Variants in ILK observed in about 807,000 individuals in gnomAD.
The protein encoded by ILK is integrin linked kinase.
ILK carries 37 observed loss-of-function variants against 57.8 expected under a neutral mutation model. The ratio of observed to expected loss-of-function variants is 0.64; its 90% CI spans 0.49 to 0.84. The LOEUF is 0.84. Among genes scored for constraint, ILK ranks in the 40% least tolerant of loss-of-function variants. The pLI is 0.00. For missense variants in ILK, 528 were observed against 595.7 expected (o/e 0.89, Z 1.18); for synonymous variants, 231 against 202.2 (o/e 1.14, Z -1.21).
chr11:6,604,693 G>A (rs1854656184), intron 2 of ILK: 2 of 485,096 alleles, frequency 4.1e-6, no homozygotes, highest in Non-Finnish European at 7.6e-6. Context: ...CTGTGGGTCG[G>A]AGCATTGGGT....
chr11:6,606,816 C>T (rs934636653), intron 2 of ILK: 1 of 152,196 alleles, frequency 6.6e-6, no homozygotes, highest in Non-Finnish European at 1.5e-5. Context: ...CGAGTTTGGC[C>T]TGCCCTGGCG....
At chr11:6,604,064 G>C (rs910753356) in intron 1 of ILK, 116 bp from the exon 2 acceptor site, 24 of 623,398 alleles carry the variant, frequency 3.8e-5, no homozygotes, top group Non-Finnish European at 6.9e-5. Context: ...TTTACCTCGC[G>C]TCTAGAGGAC....
chr11:6,609,892 CCTAT>C, intron 10 of ILK, 40 bp from the exon 11 acceptor site: 1 of 1,614,190 alleles, frequency 6.2e-7, no homozygotes. Context: ...AAGCCCTTTG[CCTAT>C]CTATGACTTA....
intron 2 of ILK, chr11:6,607,028 C>T (rs1250045575): frequency 6.6e-6 from 1 of 152,352 alleles, no homozygotes; most frequent in Non-Finnish European, 1.5e-5. Context: ...CCAACCCCTT[C>T]AGCTGTACGG....
At chr11:6,610,329 G>A (rs190220176) in intron 12 of ILK, 51 bp downstream of exon 12, 5 of 1,613,808 alleles carry the variant, frequency 3.1e-6, no homozygotes, top group East Asian at 2.2e-5. Context: ...TGGTGATGGT[G>A]AAAATAACTG....
chr11:6,607,896 G>T, intron 2 of ILK, 150 bp from the exon 3 acceptor site: 1 of 761,830 alleles, frequency 1.3e-6, no homozygotes, highest in East Asian at 2.7e-5. Flanking sequence ...GGTCTGAAAT[G>T]GACAGCTTTG....
rs780614731 is a variant in ILK, at chr11:6,608,384, T to G, written c.256-10T>G. 1.2e-6 allele frequency: 2 copies of G among 1,612,644 alleles called. No homozygotes were observed. Among genetic ancestry groups the G allele is most frequent in the South Asian group, 2.2e-5 (2 of 91,054 alleles). ...TCTGCCTCTTCTTTTTGTCTGGCCATGGGGTCCAGCTATTGCAGTACAAGG... is the reference window on the plus strand; with the variant it reads ...TCTGCCTCTTCTTTTTGTCTGGCCAGGGGGTCCAGCTATTGCAGTACAAGG... On this transcript the variant is annotated splice_polypyrimidine_tract_variant and intron_variant, in intron 3 of 12. Transcript: ENST00000299421. This position sits in a 1 kb window ranked among gnomAD's most constrained non-coding sequence, Gnocchi z 4.9.
Position 6,610,252 on chromosome 11 carries a change from C to T in ILK, c.1183C>T (p.Leu395Phe). 2 of 1,614,200 alleles carry T rather than the reference C, an allele frequency of 1.2e-6. No individual in the cohort carries two copies. Among genetic ancestry groups the T allele is most frequent in the Non-Finnish European group, 1.7e-6 (2 of 1,180,034 alleles). ...LVTREVPFAD[L>F]SNMEIGMKVA... ...GACACGGGAGGTACCCTTTGCTGAC[C>T]TCTCCAATATGGAGATTGGAATGAA... is the stretch of plus-strand genomic sequence containing the variant. Residue 395 changes from leucine to phenylalanine, a missense_variant, in exon 12 of 13, where the codon CTC (leucine) becomes TTC (phenylalanine). Transcript: ENST00000299421.
At position 6,609,468 on chromosome 11, in the gene ILK, G is replaced by A. The variant is rs375881173; in HGVS notation, c.729-44G>A. 40 of 1,614,076 alleles carry A rather than the reference G, an allele frequency of 2.5e-5. No individual in the cohort carries two copies. The Admixed American group carries it at 2.8e-4, about 11-fold the overall frequency. On this transcript the variant is annotated intron_variant, in intron 8 of 12. Transcript: ENST00000299421. ...CAAGGAACCCTGAATAGCACTGAAA[G>A]AGATCTTTTGTACTGGGTCTCAACC...
At chr11:6,604,399 G>C in intron 2 of ILK, 39 bp downstream of exon 2, 9 of 1,543,800 alleles carry the variant, frequency 5.8e-6, no homozygotes, top group Non-Finnish European at 7.9e-6. Context: ...GAAGGCTAGA[G>C]ATCTCCTGGC....
Position 6,608,241 on chromosome 11 carries a change from C to T in ILK, c.255+30C>T, listed in dbSNP as rs772947886. 2 of 1,611,724 alleles carry T rather than the reference C, an allele frequency of 1.2e-6. No homozygotes were observed. The highest frequency in any genetic ancestry group is 2.7e-5 in the African/African-American group (2 of 74,874). On this transcript the variant is annotated intron_variant, in intron 3 of 12. Transcript: ENST00000299421. The surrounding 1 kb of genome is among the most constrained non-coding windows in gnomAD (Gnocchi z 4.9). ...GTACAAACTCCTTCGTCATCCACAT[C>T]ACATACATGCCATGAGGGTCAGTCA... is the stretch of plus-strand genomic sequence containing the variant.
In ILK at chr11:6,609,773, A is replaced by G. The variant is rs757145727; in HGVS notation, c.906A>G (p.Ala302=). ...SQAVKFALDM[A]RGMAFLHTLE... is the part of the protein sequence containing the mutation. Reference sequence around the variant, plus strand: ...CTGTGAAGTTTGCTTTGGACATGGCAAGGGGCATGGCCTTCCTACACACAC... The same window carrying G: ...CTGTGAAGTTTGCTTTGGACATGGCGAGGGGCATGGCCTTCCTACACACAC... The change falls in exon 10 of 13, where the codon GCA becomes GCG. Residue 302 remains alanine, a synonymous_variant. Transcript: ENST00000299421. 4.3e-5 allele frequency: 70 copies of G among 1,614,094 alleles called. 1 individual carries two copies. The South Asian group carries it at 7.2e-4, about 17-fold the overall frequency.
chr11:6,604,851 A>G (rs569031098), intron 2 of ILK: 1 of 456,824 alleles, frequency 2.2e-6, no homozygotes, highest in East Asian at 6.9e-5. Flanking sequence ...TCCATTTTTC[A>G]GTATCGTCTT....
At position 6,609,398 on chromosome 11, in the gene ILK, C is replaced by G; in HGVS notation, c.718C>G (p.Pro240Ala). 6.2e-7 allele frequency: 1 copy of G among 1,613,836 alleles called. No individual in the cohort carries two copies. The highest frequency in any genetic ancestry group is 8.5e-7 in the Non-Finnish European group (1 of 1,179,876). Residue 240 changes from proline (P) to alanine (A), a missense_variant, in exon 8 of 13, where the codon CCC (proline) becomes GCC (alanine). Pro to Ala is a conservative substitution (Grantham distance 27). Transcript: ENST00000299421. ...RKSRDFNEECPRLRIFSHPNV... is the reference protein window; with the variant it reads ...RKSRDFNEECARLRIFSHPNV... The stretch of plus-strand genomic sequence containing the variant: ...GAGCAGGGACTTCAATGAAGAGTGT[C>G]CCCGGCTCAGGTAGTGCAAGGCGTA...
Position 6,610,803 on chromosome 11 carries a change from T to A in ILK, c.*192T>A. 1 of 1,373,328 alleles carries A rather than the reference T, an allele frequency of 7.3e-7. No individual in the cohort carries two copies. The highest frequency in any genetic ancestry group is 1.2e-5 in the South Asian group (1 of 82,276). 85.1% of individuals were successfully genotyped at this position (1,373,328 alleles called of 1,614,324 possible). ...GGGGCGGGCTCAGAGCTTTGTCACT[T>A]GCCACATGGTGTCTCCCAACATGGG... On this transcript the variant is annotated 3_prime_UTR_variant, in exon 13 of 13. Coordinates refer to ENST00000299421, the MANE Select transcript of ILK (RefSeq NM_004517.4).
chr11:6,605,394 G>C (rs745563610), intron 2 of ILK, among the ~76,000 whole-genome samples: 5 of 58,722 alleles, frequency 8.5e-5, no homozygotes, highest in African/African-American at 1.1e-4. Flanking sequence ...AGGAAAATGT[G>C]TGAGTAAAGC....
rs2134554204 is a variant in ILK at position 6,608,310 on chromosome 11, C to T, written c.256-84C>T. 6.4e-7 allele frequency: 1 copy of T among 1,567,930 alleles called. No homozygotes were observed. The highest frequency in any genetic ancestry group is 8.8e-7 in the Non-Finnish European group (1 of 1,137,996). On this transcript the variant is annotated intron_variant, in intron 3 of 12. Coordinates refer to ENST00000299421, the MANE Select transcript of ILK (RefSeq NM_004517.4). This position sits in a 1 kb window ranked among gnomAD's most constrained non-coding sequence, Gnocchi z 4.9. ...GTAGAAAGCATGTGTGCTCTTCCCC[C>T]TTTTCCCATGCCCTGACACCAGTAT...
chr11:6,604,368 G>T lies in ILK; in HGVS notation c.89+8G>T, dbSNP rs1439630796. Reference sequence around the variant, plus strand: ...GAACGACCTCAACCAGGGGTGAGCTGAAACGGTTGGTGGATGAGAGGAAGG... The same window carrying T: ...GAACGACCTCAACCAGGGGTGAGCTTAAACGGTTGGTGGATGAGAGGAAGG... On this transcript the variant is annotated splice_region_variant and intron_variant, in intron 2 of 12. Coordinates refer to ENST00000299421, the MANE Select transcript of ILK (RefSeq NM_004517.4). 1.3e-6 allele frequency: 2 copies of T among 1,599,702 alleles called. No individual in the cohort carries two copies. The highest frequency in any genetic ancestry group is 3.4e-5 in the Admixed American group (2 of 58,324).
At position 6,608,614 on chromosome 11, in the gene ILK, A is replaced by G; in HGVS notation, c.352-80A>G. 1.5e-6 allele frequency: 2 copies of G among 1,371,250 alleles called. No individual in the cohort carries two copies. Among genetic ancestry groups the G allele is most frequent in the East Asian group, 4.6e-5 (2 of 43,784 alleles). 84.9% of individuals were successfully genotyped at this position (1,371,250 alleles called of 1,614,324 possible). ...TGTGACACTTACAGGATTAAGTTCT[A>G]CATTTGTGCATTCATGGTTGGTTCA... On this transcript the variant is annotated intron_variant, in intron 4 of 12. Coordinates refer to ENST00000299421, the MANE Select transcript of ILK (RefSeq NM_004517.4). This position sits in a 1 kb window ranked among gnomAD's most constrained non-coding sequence, Gnocchi z 4.9.
Sources: gnomAD v4.1 joint callset for allele counts (sites outside exome capture counted in the v4.1 genomes callset) on GRCh38, gnomAD v4.1.1 for gene constraint, Gnocchi (gnomAD v3.1) non-coding constraint, MANE v1.5 for transcripts, NCBI Gene and HGNC (gene_info 2026-07-23, HGNC 2026-07-21) for gene names.